SPTBN1: variants seen among roughly 807,000 people sequenced by gnomAD.
SPTBN1 encodes spectrin beta, non-erythrocytic 1, also known as spectrin beta chain, non-erythrocytic 1.
In SPTBN1, 32 loss-of-function variants were observed where a neutral mutation model predicts 266.4. That is an observed-to-expected ratio of 0.12 (90% CI 0.09 to 0.16). The LOEUF is 0.16. Among genes scored for constraint, SPTBN1 ranks in the 10% least tolerant of loss-of-function variants. The pLI, the probability that SPTBN1 is intolerant of heterozygous loss-of-function variation, is 1.00. For missense variants in SPTBN1, 2,296 were observed against 3,067.1 expected (o/e 0.75, Z 5.94); for synonymous variants, 1,336 against 1,162.2 (o/e 1.15, Z -3.04).
At chr2:54,660,797 G>A (rs939432252) in intron 32 of SPTBN1, 7 of 985,254 alleles carry the variant, frequency 7.1e-6, no homozygotes, top group South Asian at 9.4e-5. Context: ...TAAAGTGCCC[G>A]CTGACTGCTG....
In SPTBN1 at chr2:54,668,407, C is replaced by T. The variant is rs1389921226; in HGVS notation, c.6933C>T (p.His2311=). The change falls in exon 36 of 36, where the codon CAC becomes CAT. Residue 2311 remains histidine (H), a synonymous_variant. Transcript: ENST00000356805. The stretch of plus-strand genomic sequence containing the variant: ...CTTCCGCCATCTCCTCTGATAAACA[C>T]GAGGTGTCTGCCAGCACCCAGAGCA... ...AISSAISSDK[H]EVSASTQSTP... The T allele has an allele frequency of 2.0e-5, 32 of 1,614,056 alleles. No individual in the cohort carries two copies. Among genetic ancestry groups the T allele is most frequent in the Non-Finnish European group, 2.5e-5 (29 of 1,180,044 alleles).
At chr2:54,571,080 C>G (rs1343876416) in intron 2 of SPTBN1, among the ~76,000 whole-genome samples, 1 of 152,070 alleles carries the variant, frequency 6.6e-6, no homozygotes, top group Non-Finnish European at 1.5e-5. Flanking sequence ...AAACAACTGC[C>G]AAGCAGATGA....
chr2:54,596,311 G>A (rs1676090120), intron 2 of SPTBN1, among the ~76,000 whole-genome samples: 1 of 152,204 alleles, frequency 6.6e-6, no homozygotes, highest in African/African-American at 2.4e-5. Context: ...CCAAGGACCC[G>A]AAGCCTGATC....
Position 54,581,013 on chromosome 2 carries a change from G to A in SPTBN1, c.149-18079G>A, listed in dbSNP as rs1435164961. ...CTTGGGTGGCTGAGGCACGAGAGTC[G>A]CTTGAGTCCGGGTGGTGGAGGTTGC... On this transcript the variant is annotated intron_variant, in intron 2 of 35. Transcript: ENST00000356805. Among the ~76,000 whole-genome samples, 5 of 151,964 alleles carry A rather than the reference G, an allele frequency of 3.3e-5. 1 individual carries two copies. Among genetic ancestry groups the A allele is most frequent in the South Asian group, 4.2e-4 (2 of 4,810 alleles).
At chr2:54,580,352 C>G (rs1483311801) in intron 2 of SPTBN1, among the ~76,000 whole-genome samples, 1 of 152,130 alleles carries the variant, frequency 6.6e-6, no homozygotes, top group East Asian at 1.9e-4. Flanking sequence ...TTTTAGCAAA[C>G]CAGTAATATT....
intron 3 of SPTBN1, among the ~76,000 whole-genome samples, chr2:54,607,859 T>C (rs1262524435): frequency 6.6e-6 from 1 of 152,192 alleles, no homozygotes; most frequent in African/African-American, 2.4e-5. Flanking sequence ...TTCTTCTGTT[T>C]TTACTTGTCC....
chr2:54,543,972 A>G lies in SPTBN1; in HGVS notation c.148+17406A>G, dbSNP rs542265554. 5.1e-4 allele frequency among the ~76,000 whole-genome samples: 77 copies of G among 152,296 alleles called. 2 individuals carry two copies. The highest frequency in any genetic ancestry group is 1.6e-3 in the African/African-American group (68 of 41,556). ...TAGTGCTCTGTTCCTCTTTGTTGAG[A>G]CAGCTGTAGTTAGGTATAAGGGGAT... On this transcript the variant is annotated intron_variant, in intron 2 of 35. Transcript: ENST00000356805.
At chr2:54,597,866 C>CTTTTTTTTTTTT (rs531763576) in intron 2 of SPTBN1, among the ~76,000 whole-genome samples, 10 of 82,202 alleles carry the variant, frequency 1.2e-4, no homozygotes, top group South Asian at 4.9e-4. Flanking sequence ...GAGCTATCTG[C>CTTTTTTTTTTTT]TTTTTTTTTT....
intron 3 of SPTBN1, among the ~76,000 whole-genome samples, chr2:54,608,863 T>C (rs980267638): frequency 3.3e-5 from 5 of 152,138 alleles, no homozygotes; most frequent in African/African-American, 1.2e-4. Flanking sequence ...ATTAACATAT[T>C]TTGCATGTTA....
At chr2:54,522,711 GGAAAGAAA>G (rs1188390044) in intron 1 of SPTBN1, among the ~76,000 whole-genome samples, 2 of 93,072 alleles carry the variant, frequency 2.1e-5, no homozygotes, top group Non-Finnish European at 2.2e-5. Context: ...AAGAAAGAAA[GGAAAGAAA>G]GAAAGAAAGA....
At chr2:54,492,701 T>C (rs1216471695) in intron 1 of SPTBN1, among the ~76,000 whole-genome samples, 1 of 152,220 alleles carries the variant, frequency 6.6e-6, no homozygotes, top group Non-Finnish European at 1.5e-5. Context: ...ACGTCTCTTA[T>C]GTCTCAAGCA....
At chr2:54,637,941 A>G (rs1197317533) in intron 18 of SPTBN1, 138 bp downstream of exon 18, 1 of 667,330 alleles carries the variant, frequency 1.5e-6, no homozygotes, top group African/African-American at 1.8e-5. Context: ...GCAGGCAGGG[A>G]TACGTGGCAC....
Position 54,554,523 on chromosome 2 carries a change from G to A in SPTBN1, c.148+27957G>A, listed in dbSNP as rs1346866810. 2.0e-5 allele frequency among the ~76,000 whole-genome samples: 3 copies of A among 152,212 alleles called. No homozygotes were observed. Among genetic ancestry groups the A allele is most frequent in the Non-Finnish European group, 4.4e-5 (3 of 68,034 alleles). Reference sequence around the variant, plus strand: ...TGCAGTTAGAAGTGGGACCTAAGCAGGGTGAACCCAAATCACTAATACATT... The same window carrying A: ...TGCAGTTAGAAGTGGGACCTAAGCAAGGTGAACCCAAATCACTAATACATT... On this transcript the variant is annotated intron_variant, in intron 2 of 35. Transcript: ENST00000356805. This position sits in a 1 kb window ranked among gnomAD's most constrained non-coding sequence, Gnocchi z 4.5.
At chr2:54,544,634 AT>A in intron 2 of SPTBN1, among the ~76,000 whole-genome samples, 1 of 152,350 alleles carries the variant, frequency 6.6e-6, no homozygotes, top group South Asian at 2.1e-4. Context: ...AATGTCAAAC[AT>A]TTATTTGTAC....
rs528393232 is a variant in SPTBN1 at position 54,538,253 on chromosome 2, T to C, written c.148+11687T>C. 1.8e-4 allele frequency among the ~76,000 whole-genome samples: 28 copies of C among 152,350 alleles called. No homozygotes were observed. The East Asian group carries it at 4.2e-3, about 23-fold the overall frequency. On this transcript the variant is annotated intron_variant, in intron 2 of 35. Transcript: ENST00000356805. The stretch of plus-strand genomic sequence containing the variant: ...CCTTTAACATGGTGTTTCATTTGCA[T>C]TGAAGTTATTGTCTTGTGAATATGT...
At chr2:54,625,775 G>C (rs1678280761) in intron 11 of SPTBN1, among the ~76,000 whole-genome samples, 157 bp from the exon 12 acceptor site, 2 of 152,134 alleles carry the variant, frequency 1.3e-5, no homozygotes, top group African/African-American at 4.8e-5. Context: ...ATTTTTAGTA[G>C]AGACAGGGTT....
At chr2:54,658,216 A>C (rs1680808955) in intron 30 of SPTBN1, among the ~76,000 whole-genome samples, 170 bp downstream of exon 30, 1 of 151,916 alleles carries the variant, frequency 6.6e-6, no homozygotes, top group Non-Finnish European at 1.5e-5. Flanking sequence ...GGACCTAGGG[A>C]GAGGGTCAGG....
intron 1 of SPTBN1, among the ~76,000 whole-genome samples, chr2:54,499,875 T>G (rs1438389163): frequency 6.6e-6 from 1 of 152,252 alleles, no homozygotes; most frequent in Admixed American, 6.5e-5. Context: ...TGGCTAACTT[T>G]TCCAGTGTTT....
At chr2:54,585,526 ATG>A (rs760428095) in intron 2 of SPTBN1, among the ~76,000 whole-genome samples, 20 of 152,330 alleles carry the variant, frequency 1.3e-4, no homozygotes, top group Non-Finnish European at 2.5e-4. Flanking sequence ...TAACCATTTT[ATG>A]TGTGAGGTTG....
Sources: allele counts gnomAD v4.1 joint callset (sites outside exome capture counted in the v4.1 genomes callset), GRCh38; gene constraint gnomAD v4.1.1; non-coding constraint Gnocchi (gnomAD v3.1); transcripts MANE v1.5; gene names NCBI Gene and HGNC (gene_info 2026-07-23, HGNC 2026-07-21).